The following ADD1 variants were observed in gnomAD, a reference collection of about 807,000 sequenced individuals.
ADD1 encodes alpha-adducin.
A neutral mutation model predicts 80.5 loss-of-function variants in ADD1; 24 were observed. The ratio of observed to expected loss-of-function variants is 0.30; its 90% confidence interval spans 0.22 to 0.42. The LOEUF is 0.42. Among genes scored for constraint, ADD1 ranks in the 10% least tolerant of loss-of-function variants. ADD1 has a pLI of 1.00. For synonymous variants in ADD1, 373 were observed against 393.8 expected (o/e 0.95, Z 0.63); for missense variants, 948 against 1,019.0 (o/e 0.93, Z 0.95).
chr4:2,915,358 A>T (rs1320570150), intron 14 of ADD1, among the ~76,000 whole-genome samples: 1 of 152,104 alleles, frequency 6.6e-6, no homozygotes, highest in African/African-American at 2.4e-5. Flanking sequence ...ATACAAAATT[A>T]GGCTGGGCAT....
At position 2,928,637 on chromosome 4, in the gene ADD1, C is replaced by T; in HGVS notation, c.*114C>T. ...AATGCAAAAAAGCCAAGCCCTCCGC[C>T]TAGAGGTCCCCTCACGTGACCAGCC... On this transcript the variant is annotated 3_prime_UTR_variant, in exon 16 of 16. Coordinates refer to ENST00000683351, the MANE Select transcript of ADD1 (RefSeq NM_001354761.2). The T allele has an allele frequency of 8.4e-7, 1 of 1,191,782 alleles. No homozygotes were observed. Among genetic ancestry groups the T allele is most frequent in the African/African-American group, 1.6e-5 (1 of 64,406 alleles). The allele number at this position is 1,191,782 out of a possible 1,614,324, so 73.8% of individuals were successfully genotyped here. A position where few individuals can be genotyped will look rare whatever the true frequency, so the allele number is the denominator to read the frequency against.
chr4:2,904,335 C>T lies in ADD1; in HGVS notation c.1162-429C>T, dbSNP rs112189021. 3.4e-3 allele frequency among the ~76,000 whole-genome samples: 514 copies of T among 152,272 alleles called. 1 individual carries two copies. The highest frequency in any genetic ancestry group is 0.012 in the African/African-American group (485 of 41,558). ...CAACTGTCCTGTCTCCCAGGACAAC[C>T]AAAACAAAGGTTGTTTTGCATCTTC... On this transcript the variant is annotated intron_variant, in intron 9 of 15. Transcript: ENST00000683351.
chr4:2,894,604 A>G lies in ADD1; in HGVS notation c.614A>G (p.Asp205Gly), dbSNP rs776649509. The G allele has an allele frequency of 6.2e-7, 1 of 1,608,364 alleles. No homozygotes were observed. Among genetic ancestry groups the G allele is most frequent in the East Asian group, 2.2e-5 (1 of 44,768 alleles). The change falls in exon 6 of 16, where the codon GAT becomes GGT. Residue 205 changes from aspartate to glycine, a missense_variant. By Grantham distance (94) the Asp-to-Gly change is moderately conservative (BLOSUM62 -1). Coordinates refer to ENST00000683351, the MANE Select transcript of ADD1 (RefSeq NM_001354761.2). The part of the protein sequence containing the change: ...SSLVKINLQG[D>G]IVDRGSTNLG... ...CAGGTTAAGATCAATCTACAAGGAG[A>G]TATAGTAGATCGTGGAAGCACTAAT...
chr4:2,858,861 G>A (rs983441274), intron 1 of ADD1, among the ~76,000 whole-genome samples: 3 of 152,166 alleles, frequency 2.0e-5, no homozygotes, highest in Non-Finnish European at 2.9e-5. Context: ...ATTATGGGAC[G>A]TCTATGTGCC....
chr4:2,846,929 A>G (rs1484982251), intron 1 of ADD1, among the ~76,000 whole-genome samples: 1 of 152,010 alleles, frequency 6.6e-6, no homozygotes, highest in Non-Finnish European at 1.5e-5. Flanking sequence ...CATCCTGGCT[A>G]ACATGGTGAA....
chr4:2,881,503 T>A (rs1732331476), intron 2 of ADD1: 1 of 157,734 alleles, frequency 6.3e-6, no homozygotes, highest in Admixed American at 6.5e-5. Flanking sequence ...CCATTTAAGT[T>A]TTTTTAGCTT....
intron 6 of ADD1, 121 bp from the exon 7 acceptor site, chr4:2,898,063 C>T: frequency 7.6e-7 from 1 of 1,309,398 alleles, no homozygotes; most frequent in Non-Finnish European, 1.0e-6. Flanking sequence ...GATTGATTTT[C>T]AAGAAGAGGA....
At chr4:2,896,584 A>C (rs1037230314) in intron 6 of ADD1, among the ~76,000 whole-genome samples, 2 of 152,082 alleles carry the variant, frequency 1.3e-5, no homozygotes, top group Non-Finnish European at 2.9e-5. Flanking sequence ...CACTCTGAAC[A>C]TATGGTTCTT....
At chr4:2,900,190 GA>G (rs1735942568) in intron 9 of ADD1, 1 of 153,504 alleles carries the variant, frequency 6.5e-6, no homozygotes, top group Non-Finnish European at 1.4e-5. Context: ...CAGACAATGG[GA>G]GTGGGGAGAT....
chr4:2,846,816 T>TAAAA (rs761045902), intron 1 of ADD1, among the ~76,000 whole-genome samples: 1 of 117,614 alleles, frequency 8.5e-6, no homozygotes, highest in African/African-American at 3.3e-5. Flanking sequence ...TCTGTCTCTT[T>TAAAA]AAAAAAAAAA....
At position 2,925,998 on chromosome 4, in the gene ADD1, TCTTG is replaced by T; in HGVS notation, c.1949-12_1949-9del. ...GCGTCCACAGCTCCTACCATATCCT[TCTTG>T]CTTCTCTGCAGAGAATCTGGACGAG... is the stretch of plus-strand genomic sequence containing the variant. On this transcript the variant is annotated splice_polypyrimidine_tract_variant and intron_variant, in intron 14 of 15. Transcript: ENST00000683351. 6.2e-7 allele frequency: 1 copy of T among 1,612,288 alleles called. No homozygotes were observed. Among genetic ancestry groups the T allele is most frequent in the Non-Finnish European group, 8.5e-7 (1 of 1,178,580 alleles).
intron 1 of ADD1, among the ~76,000 whole-genome samples, chr4:2,871,229 C>T (rs1000905930): frequency 2.6e-5 from 4 of 152,084 alleles, no homozygotes; most frequent in African/African-American, 9.7e-5. Flanking sequence ...CCTCGGCCTC[C>T]CAAAGTGCTG....
intron 14 of ADD1, among the ~76,000 whole-genome samples, chr4:2,923,058 T>A (rs1383499713): frequency 6.6e-6 from 1 of 152,212 alleles, no homozygotes; most frequent in African/African-American, 2.4e-5. Context: ...AGCCAGTGGA[T>A]CTTAGCTTGC....
In ADD1 at chr4:2,926,503, C is replaced by G; in HGVS notation, c.2047+391C>G. ...GTCTGTGGTGTGTGATCCCGGGTGT[C>G]TGTCCCTCGGTCTCGTACATCCATG... is the stretch of plus-strand genomic sequence containing the variant. On this transcript the variant is annotated intron_variant, in intron 15 of 15. Coordinates refer to ENST00000683351, the MANE Select transcript of ADD1 (RefSeq NM_001354761.2). The surrounding 1 kb of genome is among the most constrained non-coding windows in gnomAD (Gnocchi z 5.0). 2.2e-6 allele frequency: 2 copies of G among 890,800 alleles called. No homozygotes were observed. The highest frequency in any genetic ancestry group is 1.8e-6 in the Non-Finnish European group (1 of 558,450). 55.2% of individuals were successfully genotyped at this position (890,800 alleles called of 1,614,324 possible).
intron 1 of ADD1, among the ~76,000 whole-genome samples, chr4:2,861,367 C>G (rs1728796001): frequency 6.6e-6 from 1 of 151,922 alleles, no homozygotes; most frequent in Non-Finnish European, 1.5e-5. Context: ...GCTACCACTC[C>G]CAAATTAAGT....
chr4:2,911,431 C>CATATAT (rs1553848842), intron 13 of ADD1, among the ~76,000 whole-genome samples: 6 of 140,872 alleles, frequency 4.3e-5, no homozygotes, highest in African/African-American at 1.6e-4. Flanking sequence ...ACCTGAAATA[C>CATATAT]ATATATATAT....
intron 9 of ADD1, among the ~76,000 whole-genome samples, chr4:2,904,246 G>A (rs748937152): frequency 6.6e-6 from 1 of 152,080 alleles, no homozygotes; most frequent in Non-Finnish European, 1.5e-5. Flanking sequence ...TAAGAGCAAC[G>A]GTAGCAGCAC....
chr4:2,924,430 CAGG>C (rs928855142), intron 14 of ADD1, among the ~76,000 whole-genome samples: 1 of 152,180 alleles, frequency 6.6e-6, no homozygotes, highest in African/African-American at 2.4e-5. Flanking sequence ...GGACCCCTGC[CAGG>C]AGGCTCCCGC....
At chr4:2,853,266 C>T (rs1368998814) in intron 1 of ADD1, 5 of 152,008 alleles carry the variant, frequency 3.3e-5, no homozygotes, top group Admixed American at 3.3e-4. Context: ...CCACCACACC[C>T]AGCTAATTTT....
Sources: allele counts gnomAD v4.1 joint callset (sites outside exome capture counted in the v4.1 genomes callset), GRCh38; gene constraint gnomAD v4.1.1; non-coding constraint Gnocchi (gnomAD v3.1); transcripts MANE v1.5; gene names NCBI Gene and HGNC (gene_info 2026-07-23, HGNC 2026-07-21).